The following NEXMIF variants were observed in gnomAD, a reference collection of about 807,000 sequenced individuals.
The protein encoded by NEXMIF is neurite extension and migration factor.
Under a neutral mutation model 62.1 loss-of-function variants are expected in NEXMIF, and 8 were observed. The ratio of observed to expected loss-of-function variants is 0.13; its 90% CI spans 0.08 to 0.23. The LOEUF is 0.23. Among genes scored for constraint, NEXMIF ranks in the 10% least tolerant of loss-of-function variants. The pLI is 1.00. For missense variants in NEXMIF, 976 were observed against 1,113.3 expected, an observed-to-expected ratio of 0.88 and a Z score of 1.75; for synonymous variants, 404 against 416.6, an observed-to-expected ratio of 0.97 and a Z score of 0.37.
intron 1 of NEXMIF, among the ~76,000 whole-genome samples, chrX:74,790,121 A>T (rs1270716048): frequency 9.5e-6 from 1 of 105,304 alleles, no homozygotes; most frequent in East Asian, 3.0e-4. Context: ...CTAACGTTTA[A>T]CTCTTTAATC....
rs189298670 is a variant in NEXMIF, at chrX:74,806,336, T to A, written c.-47-60639A>T. On this transcript the variant is annotated intron_variant, in intron 1 of 3. Coordinates refer to ENST00000055682, the MANE Select transcript of NEXMIF (RefSeq NM_001008537.3). Reference sequence around the variant, plus strand: ...GGTACTATGCTCAGTACCTGGGTGATGAGACAAGTGTATCCCAAACCTCAG... The same window carrying A: ...GGTACTATGCTCAGTACCTGGGTGAAGAGACAAGTGTATCCCAAACCTCAG... Among the ~76,000 whole-genome samples, 7 of 111,464 alleles carry A rather than the reference T, an allele frequency of 6.3e-5. No individual in the cohort carries two copies. The East Asian group carries it at 2.0e-3, about 31-fold the overall frequency.
At chrX:74,868,021 A>G (rs753047300) in intron 1 of NEXMIF, among the ~76,000 whole-genome samples, 7 of 112,535 alleles carry the variant, frequency 6.2e-5, no homozygotes, top group Admixed American at 1.9e-4. Flanking sequence ...GAGACATGAA[A>G]AAAAGCTCAA....
At chrX:74,824,642 TCTG>T (rs1190176435) in intron 1 of NEXMIF, among the ~76,000 whole-genome samples, 1 of 107,254 alleles carries the variant, frequency 9.3e-6, no homozygotes, top group Non-Finnish European at 1.9e-5. Context: ...ATATGGTAAT[TCTG>T]CTTTTAGTTT....
chrX:74,859,972 G>A (rs1176003603), intron 1 of NEXMIF, among the ~76,000 whole-genome samples: 4 of 110,743 alleles, frequency 3.6e-5, no homozygotes, highest in Non-Finnish European at 5.7e-5. Context: ...AGGAAAGAAG[G>A]AAGAAAGAGA....
chrX:74,796,171 TTA>T (rs1320036681), intron 1 of NEXMIF, among the ~76,000 whole-genome samples: 30 of 71,804 alleles, frequency 4.2e-4, no homozygotes, highest in African/African-American at 1.1e-3. Context: ...ATTATATATA[TTA>T]TATATATACA....
intron 1 of NEXMIF, among the ~76,000 whole-genome samples, chrX:74,838,196 G>T (rs937129935): frequency 7.2e-5 from 8 of 111,566 alleles, no homozygotes; most frequent in African/African-American, 2.6e-4. Context: ...GTAGGTATGT[G>T]TGTATGTACA....
chrX:74,872,633 T>A (rs2080606834), intron 1 of NEXMIF, among the ~76,000 whole-genome samples: 1 of 109,877 alleles, frequency 9.1e-6, no homozygotes, highest in African/African-American at 3.3e-5. Context: ...ATTTACTATA[T>A]TTAAATGTAC....
At position 74,742,062 on chromosome X, in the gene NEXMIF, T is replaced by C. The variant is rs769168133; in HGVS notation, c.2495A>G (p.Tyr832Cys). The C allele has an allele frequency of 2.5e-5, 30 of 1,211,484 alleles. No homozygotes were observed. The highest frequency in any genetic ancestry group is 3.4e-5 in the Non-Finnish European group (30 of 895,377). ...TTGCTCTGGAGAATGGTGGCTGAAG[T>C]ATGAGATACTAGTGTTATTTGACAA... ...SDLSNNTSIS[Y>C]FSHHSPEQNE... Residue 832 changes from tyrosine (Y) to cysteine (C), a missense_variant, in exon 3 of 4, where the codon TAC becomes TGC. Around this residue, in one of 5 missense-constraint regions of NEXMIF, gnomAD observed 639 missense variants for 694.5 expected, o/e 0.92. Coordinates refer to ENST00000055682, the MANE Select transcript of NEXMIF (RefSeq NM_001008537.3).
chrX:74,789,804 C>G (rs1177998797), intron 1 of NEXMIF, among the ~76,000 whole-genome samples: 42 of 107,887 alleles, frequency 3.9e-4, no homozygotes, highest in African/African-American at 1.3e-3. Flanking sequence ...TGTCCTTCGC[C>G]CACTTTTTGA....
intron 1 of NEXMIF, among the ~76,000 whole-genome samples, chrX:74,866,999 G>A (rs1169550644): frequency 8.9e-6 from 1 of 111,784 alleles, no homozygotes; most frequent in African/African-American, 3.3e-5. Flanking sequence ...ATAGACAAGG[G>A]GAGAAACAAA....
intron 1 of NEXMIF, among the ~76,000 whole-genome samples, chrX:74,826,687 C>G (rs916201538): frequency 9.1e-6 from 1 of 109,805 alleles, no homozygotes; most frequent in Non-Finnish European, 1.9e-5. Context: ...AAATTACTGC[C>G]CAGACCAATG....
chrX:74,830,922 A>G (rs1160750608), intron 1 of NEXMIF, among the ~76,000 whole-genome samples: 1 of 110,660 alleles, frequency 9.0e-6, no homozygotes, highest in Non-Finnish European at 1.9e-5. Context: ...ACTTTACTGA[A>G]TTTGTTTATC....
chrX:74,856,432 A>G (rs1047949455), intron 1 of NEXMIF, among the ~76,000 whole-genome samples: 1 of 111,938 alleles, frequency 8.9e-6, no homozygotes, highest in Non-Finnish European at 1.9e-5. Context: ...AACTGTGGGA[A>G]CCATCTAGTG....
intron 1 of NEXMIF, among the ~76,000 whole-genome samples, chrX:74,872,142 T>C (rs1004985764): frequency 1.8e-5 from 2 of 111,069 alleles, no homozygotes; most frequent in African/African-American, 6.5e-5. Flanking sequence ...TCTTCAAAAT[T>C]TATGTTCTTC....
At chrX:74,889,037 G>A (rs930703374) in intron 1 of NEXMIF, among the ~76,000 whole-genome samples, 11 of 111,821 alleles carry the variant, frequency 9.8e-5, no homozygotes, top group African/African-American at 3.6e-4. Context: ...GTGAGGTGTG[G>A]AGAGGATCAC....
intron 1 of NEXMIF, among the ~76,000 whole-genome samples, chrX:74,887,846 CAT>C (rs764145780): frequency 8.0e-5 from 9 of 111,970 alleles, no homozygotes; most frequent in Admixed American, 1.9e-4. Context: ...CACATGCACA[CAT>C]ATGTTTATTG....
chrX:74,807,450 A>T (rs1278756477), intron 1 of NEXMIF, among the ~76,000 whole-genome samples: 2 of 110,361 alleles, frequency 1.8e-5, no homozygotes, highest in African/African-American at 6.6e-5. Flanking sequence ...GACTATAGGC[A>T]TATGCTACAG....
intron 1 of NEXMIF, among the ~76,000 whole-genome samples, chrX:74,882,688 C>T (rs1007463843): frequency 1.8e-5 from 2 of 112,199 alleles, no homozygotes; most frequent in African/African-American, 6.5e-5. Flanking sequence ...CTCAAAGAGG[C>T]CTGCCTGCCT....
intron 1 of NEXMIF, among the ~76,000 whole-genome samples, chrX:74,752,962 C>T (rs2080148829): frequency 9.0e-6 from 1 of 111,385 alleles, no homozygotes; most frequent in African/African-American, 3.3e-5. Flanking sequence ...ACAGAGAGAT[C>T]AACCTGGAAG....
Sources: gnomAD v4.1 joint callset for allele counts (sites outside exome capture counted in the v4.1 genomes callset) on GRCh38, gnomAD v4.1.1 for gene constraint, gnomAD v4.1.1 regional missense constraint, MANE v1.5 for transcripts, NCBI Gene and HGNC (gene_info 2026-07-23, HGNC 2026-07-21) for gene names.